GABRG3: variants seen among roughly 807,000 people sequenced by gnomAD.
GABRG3 encodes the protein gamma-aminobutyric acid type A receptor subunit gamma3.
Under a neutral mutation model 48.8 loss-of-function variants are expected in GABRG3, and 25 were observed. That is an observed-to-expected ratio of 0.51 (90% CI 0.37 to 0.72). GABRG3 has a LOEUF of 0.72. Among genes scored for constraint, GABRG3 ranks in the 30% least tolerant of loss-of-function variants. The pLI, the probability that GABRG3 is intolerant of heterozygous loss-of-function variation, is 0.00. For missense variants in GABRG3, 394 were observed against 577.9 expected (o/e 0.68, Z 3.26); for synonymous variants, 227 against 217.6 (o/e 1.04, Z -0.38).
At chr15:27,405,918 T>A (rs1351984541) in intron 5 of GABRG3, among the ~76,000 whole-genome samples, 2 of 151,734 alleles carry the variant, frequency 1.3e-5, no homozygotes, top group Non-Finnish European at 2.9e-5. Flanking sequence ...TGCCAGGAAG[T>A]AAGAAAATGT....
intron 5 of GABRG3, among the ~76,000 whole-genome samples, chr15:27,393,188 C>CA (rs555018942): frequency 6.6e-6 from 1 of 151,652 alleles, no homozygotes; most frequent in Non-Finnish European, 1.5e-5. Flanking sequence ...ACTAAAAATA[C>CA]AAAAAATTAG....
chr15:27,359,487 G>A (rs74004994), intron 5 of GABRG3, among the ~76,000 whole-genome samples: 5,568 of 152,264 alleles, frequency 0.037, 337 homozygotes, highest in African/African-American at 0.13. Flanking sequence ...GAAAGTGATT[G>A]AGTTAAACAT....
chr15:27,513,837 G>T (rs1382057), intron 6 of GABRG3, among the ~76,000 whole-genome samples: 98,871 of 151,772 alleles, frequency 0.65, 33,552 homozygotes, highest in African/African-American at 0.84. Context: ...TAAATGTAAT[G>T]TAATTTAATT....
intron 5 of GABRG3, among the ~76,000 whole-genome samples, chr15:27,432,482 A>G (rs77036278): frequency 0.045 from 6,796 of 152,198 alleles, 175 homozygotes; most frequent in Middle Eastern, 0.11. Context: ...TCTGTCTAGC[A>G]TTCTTTCATT....
At chr15:27,130,496 C>A (rs1013003355) in intron 3 of GABRG3, among the ~76,000 whole-genome samples, 1 of 152,144 alleles carries the variant, frequency 6.6e-6, no homozygotes, top group East Asian at 1.9e-4. Context: ...CAACTTTGTT[C>A]TTCTTCAAGA....
At chr15:27,349,901 T>A (rs1719891548) in intron 5 of GABRG3, among the ~76,000 whole-genome samples, 1 of 151,036 alleles carries the variant, frequency 6.6e-6, no homozygotes, top group Admixed American at 6.6e-5. Context: ...TATCTTTTTG[T>A]CATACCTGAC....
intron 3 of GABRG3, among the ~76,000 whole-genome samples, chr15:27,037,380 A>T (rs1033997101): frequency 6.6e-6 from 1 of 152,190 alleles, no homozygotes; most frequent in African/African-American, 2.4e-5. Flanking sequence ...GTCAACAGGG[A>T]CAGGTTTATT....
At chr15:27,308,675 A>G (rs1028756046) in intron 3 of GABRG3, among the ~76,000 whole-genome samples, 3 of 149,746 alleles carry the variant, frequency 2.0e-5, no homozygotes, top group Non-Finnish European at 4.5e-5. Context: ...ATGTAAACAT[A>G]CGCTTATGTA....
At chr15:26,991,197 C>T (rs1388404495) in intron 2 of GABRG3, among the ~76,000 whole-genome samples, 1 of 152,166 alleles carries the variant, frequency 6.6e-6, no homozygotes, top group East Asian at 1.9e-4. Context: ...GTCTTATATT[C>T]TCAGCACCTT....
At chr15:27,067,498 A>G (rs541357401) in intron 3 of GABRG3, among the ~76,000 whole-genome samples, 8 of 152,296 alleles carry the variant, frequency 5.3e-5, no homozygotes, top group Admixed American at 5.2e-4. Context: ...GTGGCCGACA[A>G]CCGGGTCACA....
chr15:27,173,722 AAAATT>A (rs1387550611), intron 3 of GABRG3, among the ~76,000 whole-genome samples: 7 of 151,736 alleles, frequency 4.6e-5, no homozygotes, highest in Admixed American at 3.9e-4. Context: ...AAAAAAAAAA[AAAATT>A]AAACATTAGT....
In GABRG3 at chr15:27,496,683, G is replaced by A. The variant is rs74005003; in HGVS notation, c.712+15896G>A. On this transcript the variant is annotated intron_variant, in intron 6 of 9. Coordinates refer to ENST00000615808, the MANE Select transcript of GABRG3 (RefSeq NM_033223.5). ...AAAGTATGTAGACTTCATCTTCTCAGAAGCAAATGTCCAAAAAAGAGGTAA... is the reference window on the plus strand; with the variant it reads ...AAAGTATGTAGACTTCATCTTCTCAAAAGCAAATGTCCAAAAAAGAGGTAA... 4.1e-3 allele frequency among the ~76,000 whole-genome samples: 619 copies of A among 152,242 alleles called. 11 individuals are homozygous for A. The highest frequency in any genetic ancestry group is 0.015 in the African/African-American group (607 of 41,544).
At chr15:27,318,456 G>A (rs975102696) in intron 3 of GABRG3, among the ~76,000 whole-genome samples, 24 of 152,216 alleles carry the variant, frequency 1.6e-4, no homozygotes, top group African/African-American at 5.1e-4. Flanking sequence ...TTCCAGTAGA[G>A]CTACCTTGGG....
chr15:27,293,619 A>G lies in GABRG3; in HGVS notation c.271-33190A>G, dbSNP rs770482209. Among the ~76,000 whole-genome samples, 52 of 152,176 alleles carry G rather than the reference A, an allele frequency of 3.4e-4. 1 individual carries two copies. Among genetic ancestry groups the G allele is most frequent in the African/African-American group, 1.2e-3 (49 of 41,536 alleles). Reference sequence around the variant, plus strand: ...TGAACCTGGAAGGCACAGAGGTTGCAGTGAGCCAGGATCATGCCACTGTAC... The same window carrying G: ...TGAACCTGGAAGGCACAGAGGTTGCGGTGAGCCAGGATCATGCCACTGTAC... On this transcript the variant is annotated intron_variant, in intron 3 of 9. Coordinates refer to ENST00000615808, the MANE Select transcript of GABRG3 (RefSeq NM_033223.5).
intron 6 of GABRG3, among the ~76,000 whole-genome samples, chr15:27,519,620 TTTACCTG>T (rs947330624): frequency 1.4e-4 from 21 of 152,276 alleles, no homozygotes; most frequent in African/African-American, 5.1e-4. Flanking sequence ...GAGGGTTGAG[TTTACCTG>T]TTACTCTTGA....
chr15:27,238,449 C>T (rs1277193731), intron 3 of GABRG3, among the ~76,000 whole-genome samples: 1 of 152,200 alleles, frequency 6.6e-6, no homozygotes, highest in Non-Finnish European at 1.5e-5. Context: ...TTAGGGAGGC[C>T]ACCGCGGGAG....
intron 3 of GABRG3, among the ~76,000 whole-genome samples, chr15:27,315,735 T>C (rs1346851877): frequency 6.6e-6 from 1 of 152,250 alleles, no homozygotes; most frequent in African/African-American, 2.4e-5. Flanking sequence ...ATAAGATACA[T>C]TCATTATACA....
intron 3 of GABRG3, among the ~76,000 whole-genome samples, chr15:27,249,502 C>T (rs1404663646): frequency 1.3e-5 from 2 of 152,308 alleles, no homozygotes; most frequent in Admixed American, 1.3e-4. Context: ...CTGTCGCAGC[C>T]AGATGGGCAG....
intron 5 of GABRG3, among the ~76,000 whole-genome samples, chr15:27,440,248 A>G (rs1051686190): frequency 1.3e-5 from 2 of 152,198 alleles, no homozygotes; most frequent in Admixed American, 6.5e-5. Flanking sequence ...TGTACATGGG[A>G]ACAAACCAGC....
Sources: allele counts gnomAD v4.1 joint callset (sites outside exome capture counted in the v4.1 genomes callset), GRCh38; gene constraint gnomAD v4.1.1; transcripts MANE v1.5; gene names NCBI Gene and HGNC (gene_info 2026-07-23, HGNC 2026-07-21).